Variants in EDIL3 observed in about 807,000 individuals in gnomAD.
EDIL3 encodes EGF like and discoidin domains 3.
Under a neutral mutation model 67.4 loss-of-function variants are expected in EDIL3, and 37 were observed. That is an observed-to-expected ratio of 0.55 (90% CI 0.42 to 0.72). The LOEUF (loss-of-function observed/expected upper bound fraction) is 0.72. Ranked by LOEUF, EDIL3 falls within the 30% of genes least tolerant of loss-of-function variation. The pLI is 0.00. For synonymous variants in EDIL3, 195 were observed against 196.3 expected, an observed-to-expected ratio of 0.99 and a Z score of 0.05; for missense variants, 527 against 586.3, an observed-to-expected ratio of 0.90 and a Z score of 1.04.
chr5:84,011,326 T>C (rs543346534), intron 9 of EDIL3, among the ~76,000 whole-genome samples: 1 of 152,330 alleles, frequency 6.6e-6, no homozygotes, highest in Non-Finnish European at 1.5e-5. Flanking sequence ...ACATTCATTC[T>C]GCCAAATCAT....
At chr5:84,187,387 T>A (rs1178610286) in intron 3 of EDIL3, among the ~76,000 whole-genome samples, 5 of 152,078 alleles carry the variant, frequency 3.3e-5, no homozygotes, top group South Asian at 2.1e-4. Context: ...AAATCATGAA[T>A]AACTTATAGT....
intron 3 of EDIL3, 88 bp downstream of exon 3, chr5:84,229,767 C>A: frequency 1.4e-6 from 2 of 1,390,384 alleles, no homozygotes; most frequent in East Asian, 2.3e-5. Flanking sequence ...TGGTTGAAAT[C>A]TGAAAAAATA....
intron 4 of EDIL3, among the ~76,000 whole-genome samples, chr5:84,148,353 T>C (rs1748324518): frequency 6.6e-6 from 1 of 152,172 alleles, no homozygotes; most frequent in Non-Finnish European, 1.5e-5. Flanking sequence ...TGGAGAGGAA[T>C]GAAAGGCAGC....
chr5:84,054,232 G>A lies in EDIL3; in HGVS notation c.1137+6068C>T, dbSNP rs183880365. Reference sequence around the variant, plus strand: ...CCACATGATTTTCTCAATAGATGCAGAAAAGGCCTTTGACAAATTTCAACA... The same window carrying A: ...CCACATGATTTTCTCAATAGATGCAAAAAAGGCCTTTGACAAATTTCAACA... On this transcript the variant is annotated intron_variant, in intron 9 of 10. Transcript: ENST00000296591. Among the ~76,000 whole-genome samples, 817 of 152,286 alleles carry A rather than the reference G, an allele frequency of 5.4e-3. 9 individuals are homozygous for A. The highest frequency in any genetic ancestry group is 0.019 in the African/African-American group (782 of 41,538).
chr5:83,955,415 T>A (rs574526224), intron 10 of EDIL3, among the ~76,000 whole-genome samples: 9 of 99,884 alleles, frequency 9.0e-5, no homozygotes, highest in Admixed American at 5.8e-4. Context: ...TTTTTTCCTT[T>A]TTTGCAGAAA....
intron 1 of EDIL3, among the ~76,000 whole-genome samples, chr5:84,290,133 GC>G (rs1168997104): frequency 6.6e-6 from 1 of 152,050 alleles, no homozygotes; most frequent in African/African-American, 2.4e-5. Context: ...TCATTCTCCT[GC>G]CCAATAAAAC....
chr5:84,137,424 A>T, intron 4 of EDIL3, 70 bp from the exon 5 acceptor site: 1 of 1,364,762 alleles, frequency 7.3e-7, no homozygotes, highest in Non-Finnish European at 1.0e-6. Flanking sequence ...GAAAGTTTTA[A>T]CATTTGAAAT....
intron 9 of EDIL3, among the ~76,000 whole-genome samples, chr5:83,986,648 C>T (rs997553543): frequency 2.6e-5 from 4 of 152,062 alleles, no homozygotes; most frequent in Non-Finnish European, 4.4e-5. Context: ...GACAAGCAGA[C>T]TTGTGTATAT....
At chr5:84,172,335 A>T (rs1328089044) in intron 4 of EDIL3, among the ~76,000 whole-genome samples, 1 of 152,198 alleles carries the variant, frequency 6.6e-6, no homozygotes, top group African/African-American at 2.4e-5. Flanking sequence ...TAATCCCAGC[A>T]TGTTGGGAGG....
Position 84,002,338 on chromosome 5 carries a change from G to C in EDIL3, c.1138-38978C>G, listed in dbSNP as rs1745346329. 2.0e-5 allele frequency among the ~76,000 whole-genome samples: 3 copies of C among 151,968 alleles called. No individual in the cohort carries two copies. In the South Asian group the frequency reaches 6.2e-4, roughly 32 times the overall value. ...ACTCACAACTAGTATCACACTAAAT[G>C]GGAAAAAAAACTGAAAGTATTTTCT... is the stretch of plus-strand genomic sequence containing the variant. On this transcript the variant is annotated intron_variant, in intron 9 of 10. Transcript: ENST00000296591.
At chr5:84,129,868 C>A (rs957768158) in intron 5 of EDIL3, among the ~76,000 whole-genome samples, 2 of 152,026 alleles carry the variant, frequency 1.3e-5, no homozygotes, top group Non-Finnish European at 2.9e-5. Flanking sequence ...AATGAAATTT[C>A]ATGACTCTAT....
At chr5:84,274,831 C>T (rs940154539) in intron 1 of EDIL3, among the ~76,000 whole-genome samples, 2 of 151,702 alleles carry the variant, frequency 1.3e-5, no homozygotes, top group African/African-American at 4.8e-5. Flanking sequence ...ACCTTCAGAG[C>T]ACAGTAGTAA....
intron 5 of EDIL3, 23 bp downstream of exon 5, chr5:84,137,218 C>T (rs1332268814): frequency 6.7e-6 from 10 of 1,496,620 alleles, no homozygotes; most frequent in Admixed American, 1.7e-5. Context: ...CACACACACA[C>T]ATACACACAC....
chr5:84,068,768 A>C (rs1250820708), intron 6 of EDIL3, among the ~76,000 whole-genome samples: 2 of 152,170 alleles, frequency 1.3e-5, no homozygotes, highest in Non-Finnish European at 2.9e-5. Context: ...TAAACTTTTG[A>C]CTTTTCATGT....
At chr5:84,307,437 G>T (rs1315294491) in intron 1 of EDIL3, among the ~76,000 whole-genome samples, 1 of 152,102 alleles carries the variant, frequency 6.6e-6, no homozygotes, top group Non-Finnish European at 1.5e-5. Context: ...GTCATTTGCA[G>T]GAATGTTATA....
intron 7 of EDIL3, among the ~76,000 whole-genome samples, chr5:84,065,250 G>A (rs1746617142): frequency 6.6e-6 from 1 of 152,018 alleles, no homozygotes; most frequent in African/African-American, 2.4e-5. Flanking sequence ...TACTGCTTCC[G>A]GATCATCCAG....
chr5:83,982,041 A>G (rs1193411574), intron 9 of EDIL3, among the ~76,000 whole-genome samples: 1 of 152,130 alleles, frequency 6.6e-6, no homozygotes, highest in Non-Finnish European at 1.5e-5. Context: ...TAGAAACTAT[A>G]TATAATTAAG....
intron 3 of EDIL3, among the ~76,000 whole-genome samples, chr5:84,207,212 A>G (rs894124442): frequency 6.6e-6 from 1 of 152,218 alleles, no homozygotes; most frequent in Non-Finnish European, 1.5e-5. Flanking sequence ...AGAATACAAA[A>G]TCAAAGTACA....
chr5:84,165,307 T>C (rs1748685977), intron 4 of EDIL3, among the ~76,000 whole-genome samples: 1 of 152,120 alleles, frequency 6.6e-6, no homozygotes, highest in Non-Finnish European at 1.5e-5. Flanking sequence ...TAGAGTTCTA[T>C]AAGAAAAGAA....
Sources: allele counts gnomAD v4.1 joint callset (sites outside exome capture counted in the v4.1 genomes callset), GRCh38; gene constraint gnomAD v4.1.1; transcripts MANE v1.5; gene names NCBI Gene and HGNC (gene_info 2026-07-23, HGNC 2026-07-21).